MYH6: variants seen among roughly 807,000 people sequenced by gnomAD.
MYH6 encodes myosin-6.
In MYH6, 126 loss-of-function variants were observed where a neutral mutation model predicts 223.2. The observed-to-expected ratio is 0.56, with a 90% CI of 0.49 to 0.65. MYH6 has a LOEUF of 0.65. MYH6 is among the 30% of genes least tolerant of loss of function. The probability of loss-of-function intolerance (pLI) is 0.00; values close to 1 mark genes in which losing one functional copy is unlikely to be tolerated. For synonymous variants in MYH6, 978 were observed against 1,010.2 expected (o/e 0.97, Z 0.61); for missense variants, 2,040 against 2,536.4 (o/e 0.80, Z 4.20).
chr14:23,400,122 A>T, intron 14 of MYH6, 134 bp downstream of exon 14: 1 of 1,344,098 alleles, frequency 7.4e-7, no homozygotes, highest in Non-Finnish European at 1.0e-6. Flanking sequence ...ATGACTTCAC[A>T]GTGGGGAGAA....
intron 38 of MYH6, 92 bp downstream of exon 38, chr14:23,382,336 T>C: frequency 6.4e-7 from 1 of 1,567,220 alleles, no homozygotes; most frequent in South Asian, 1.1e-5. Flanking sequence ...ACTGCCTACA[T>C]ATAGGGCAAG....
In MYH6 at chr14:23,384,728, G is replaced by C. The variant is rs764779081; in HGVS notation, c.5290-11C>G. ...TGCCATCATGGCGGCCTGTGTGCAG[G>C]AGAGAGGTGGCAAGGAACATGGGCC... On this transcript the variant is annotated splice_polypyrimidine_tract_variant and intron_variant, in intron 35 of 38. Transcript: ENST00000405093. 9.3e-6 allele frequency: 15 copies of C among 1,614,110 alleles called. No individual in the cohort carries two copies. In the South Asian group the frequency reaches 1.1e-4, roughly 12 times the overall value.
In MYH6 at chr14:23,396,359, C is replaced by T. The variant is rs769341738; in HGVS notation, c.2354G>A (p.Arg785His). 110 of 1,613,948 alleles carry T rather than the reference C, an allele frequency of 6.8e-5. No homozygotes were observed. The highest frequency in any genetic ancestry group is 8.8e-5 in the Non-Finnish European group (104 of 1,180,056). The change falls in exon 20 of 39, where the codon CGC (arginine) becomes CAC (histidine). Residue 785 changes from arginine to histidine, a missense_variant. Arg to His is a conservative substitution (Grantham distance 29, BLOSUM62 0). Transcript: ENST00000405093. ...TTGGGCCTGCATGCGCGTGATGATG[C>T]GGCTCAGCCTCTCATCCCGCATCTC... ...LEEMRDERLS[R>H]IITRMQAQAR...
chr14:23,407,743 AC>A lies in MYH6; in HGVS notation c.-46-136del. 2.2e-6 allele frequency: 1 copy of A among 464,662 alleles called. No individual in the cohort carries two copies. The highest frequency in any genetic ancestry group is 2.9e-6 in the Non-Finnish European group (1 of 342,372). The allele number at this position is 464,662 out of a possible 1,614,324, so 28.8% of individuals were successfully genotyped here. A position where few individuals can be genotyped will look rare whatever the true frequency, so the allele number is the denominator to read the frequency against. The stretch of plus-strand genomic sequence containing the variant: ...CCCAGAGCGCAGACAGGCAGGACAG[AC>A]CAGGGAGTCAGAAAGGGAAAGACGC... On this transcript the variant is annotated intron_variant, in intron 1 of 38. Transcript: ENST00000405093. This position sits in a 1 kb window ranked among gnomAD's most constrained non-coding sequence, Gnocchi z 5.6.
chr14:23,396,386 TC>T lies in MYH6; in HGVS notation c.2326del (p.Glu776ArgfsTer8). On this transcript the variant is annotated frameshift_variant, in exon 20 of 39. Transcript: ENST00000405093. LOFTEE classifies it high-confidence loss of function. ...FFKAGLLGLL[E>X]EMRDERLSRI... ...GCTCAGCCTCTCATCCCGCATCTCC[TC>T]CAGCAGCCCAAGCAGCCCTGCCTTG... The T allele has an allele frequency of 6.2e-7, 1 of 1,614,044 alleles. No homozygotes were observed.
At chr14:23,392,737 G>C in intron 24 of MYH6, 85 bp from the exon 25 acceptor site, 2 of 1,445,882 alleles carry the variant, frequency 1.4e-6, no homozygotes, top group South Asian at 1.1e-5. Flanking sequence ...TAGTATGCCA[G>C]AATCGGCACC....
In MYH6 at chr14:23,385,037, G is replaced by C; in HGVS notation, c.5168C>G (p.Thr1723Ser). ...ERVQLLHSQN[T>S]SLINQKKKME... Reference sequence around the variant, plus strand: ...CTTCTTCTTCTGGTTGATGAGGCTGGTGTTCTAGACATGGAGAGAGAAAAA... The same window carrying C: ...CTTCTTCTTCTGGTTGATGAGGCTGCTGTTCTAGACATGGAGAGAGAAAAA... Residue 1723 changes from threonine to serine, a missense_variant, in exon 35 of 39, where the codon ACC becomes AGC. Coordinates refer to ENST00000405093, the MANE Select transcript of MYH6 (RefSeq NM_002471.4). 1.9e-6 allele frequency: 3 copies of C among 1,614,174 alleles called. No homozygotes were observed. Among genetic ancestry groups the C allele is most frequent in the Non-Finnish European group, 2.5e-6 (3 of 1,180,028 alleles).
At chr14:23,404,580 T>G (rs1891717943) in intron 7 of MYH6, 131 bp downstream of exon 7, 3 of 1,097,168 alleles carry the variant, frequency 2.7e-6, no homozygotes, top group Non-Finnish European at 4.1e-6. Flanking sequence ...TCTTCCATAC[T>G]GGGCTGACCA....
rs757234479 is a variant in MYH6, at chr14:23,400,712, G to A, written c.1407C>T (p.Phe469=). ...ACTCCCAGGGGTCCCAACTCACGTCGAAGATCTCGAAGCCAGCGATGTCCA... is the reference window on the plus strand; with the variant it reads ...ACTCCCAGGGGTCCCAACTCACGTCAAAGATCTCGAAGCCAGCGATGTCCA... The part of the protein sequence containing the change: ...GVLDIAGFEI[F]DFNSFEQLCI... The change falls in exon 13 of 39, where the codon TTC becomes TTT. Residue 469 remains phenylalanine (F), a synonymous_variant. Transcript: ENST00000405093. 5.6e-6 allele frequency: 9 copies of A among 1,614,144 alleles called. No homozygotes were observed. Among genetic ancestry groups the A allele is most frequent in the African/African-American group, 5.3e-5 (4 of 74,950 alleles).
intron 10 of MYH6, 51 bp downstream of exon 10, chr14:23,403,297 T>G: frequency 2.1e-5 from 31 of 1,447,262 alleles, no homozygotes; most frequent in Non-Finnish European, 2.9e-5. Flanking sequence ...CAGGAGTCGT[T>G]GGGGTGTGCA....
At chr14:23,389,328 T>C (rs1009660972) in intron 28 of MYH6, 65 bp downstream of exon 28, 38 of 1,547,288 alleles carry the variant, frequency 2.5e-5, no homozygotes, top group Non-Finnish European at 2.6e-5. Context: ...GCTCCATTTC[T>C]GGCACTGAGA....
intron 15 of MYH6, among the ~76,000 whole-genome samples, chr14:23,397,937 CTT>C (rs1891456105): frequency 1.7e-5 from 1 of 60,448 alleles, no homozygotes; most frequent in Non-Finnish European, 3.4e-5. Context: ...TCCTCCTCTT[CTT>C]CTTCTTCTTC....
At chr14:23,389,303 T>C in intron 28 of MYH6, 90 bp downstream of exon 28, 2 of 1,450,128 alleles carry the variant, frequency 1.4e-6, no homozygotes, top group Non-Finnish European at 1.9e-6. Flanking sequence ...TGCAGAGGAC[T>C]CTTTCCAGCT....
At chr14:23,388,456 G>T in intron 29 of MYH6, 118 bp from the exon 30 acceptor site, 1 of 1,499,246 alleles carries the variant, frequency 6.7e-7, no homozygotes, top group Non-Finnish European at 9.2e-7. Flanking sequence ...GTCCAGCCTA[G>T]CAGGAGCTGA....
At position 23,405,193 on chromosome 14, in the gene MYH6, G is replaced by A. The variant is rs1891744896; in HGVS notation, c.502+30C>T. On this transcript the variant is annotated intron_variant, in intron 5 of 38. Coordinates refer to ENST00000405093, the MANE Select transcript of MYH6 (RefSeq NM_002471.4). The surrounding 1 kb of genome is among the most constrained non-coding windows in gnomAD (Gnocchi z 4.7). Reference sequence around the variant, plus strand: ...GGATCTGGGTGGGTGTCTGGGAGGAGGAGCAGAGACCAGGGGCCACCAGGC... The same window carrying A: ...GGATCTGGGTGGGTGTCTGGGAGGAAGAGCAGAGACCAGGGGCCACCAGGC... The A allele has an allele frequency of 5.0e-6, 8 of 1,614,024 alleles. No individual in the cohort carries two copies. Among genetic ancestry groups the A allele is most frequent in the Non-Finnish European group, 6.8e-6 (8 of 1,180,046 alleles).
Position 23,388,975 on chromosome 14 carries a change from T to C in MYH6, c.4059A>G (p.Thr1353=), listed in dbSNP as rs780653498. ...CGCGCTGCAGCTCGGCCTTGGCCTC[T>C]GTCTCCTCCTCGTACTGCTCCCGCA... ...DLLREQYEEE[T]EAKAELQRVL... is the part of the protein sequence containing the mutation. Residue 1353 remains threonine (T), a synonymous_variant, in exon 29 of 39, where the codon ACA becomes ACG. Coordinates refer to ENST00000405093, the MANE Select transcript of MYH6 (RefSeq NM_002471.4). The C allele has an allele frequency of 1.1e-5, 18 of 1,613,450 alleles. No homozygotes were observed. Among genetic ancestry groups the C allele is most frequent in the Middle Eastern group, 3.4e-4 (2 of 5,848 alleles).
Position 23,384,492 on chromosome 14 carries a change from C to A in MYH6, c.5515G>T (p.Val1839Leu), listed in dbSNP as rs754865673. Residue 1839 changes from valine to leucine, a missense_variant, in exon 36 of 39, where the codon GTG becomes TTG. Transcript: ENST00000405093. ...CGCTCGCTCTTCCTCATGCCCTTCA[C>A]CGACTCTGCGTTGCGCTTCTGCTCG... ...EAEQKRNAES[V>L]KGMRKSERRI... is the part of the protein sequence containing the mutation. 1.2e-6 allele frequency: 2 copies of A among 1,612,988 alleles called. No homozygotes were observed. Among genetic ancestry groups the A allele is most frequent in the Non-Finnish European group, 1.7e-6 (2 of 1,180,006 alleles).
chr14:23,383,172 T>C (rs1247995902), intron 37 of MYH6, 53 bp downstream of exon 37: 1 of 1,463,452 alleles, frequency 6.8e-7, no homozygotes, highest in Admixed American at 1.7e-5. Flanking sequence ...ATTCATTGGT[T>C]CTCACAAATA....
chr14:23,396,196 G>A, intron 20 of MYH6, 88 bp downstream of exon 20: 1 of 1,585,578 alleles, frequency 6.3e-7, no homozygotes, highest in Non-Finnish European at 8.6e-7. Flanking sequence ...TGGTAGGTCT[G>A]AACCCAGGTC....
Sources: allele counts gnomAD v4.1 joint callset (sites outside exome capture counted in the v4.1 genomes callset), GRCh38; gene constraint gnomAD v4.1.1; non-coding constraint Gnocchi (gnomAD v3.1); transcripts MANE v1.5; gene names NCBI Gene and HGNC (gene_info 2026-07-23, HGNC 2026-07-21).